Variants in CSMD1 observed in about 807,000 individuals in gnomAD.
CSMD1 encodes CUB and sushi domain-containing protein 1.
A neutral mutation model predicts 417.5 loss-of-function variants in CSMD1; 213 were observed. That is an observed-to-expected ratio of 0.51 (90% CI 0.46 to 0.57). The LOEUF is 0.57. CSMD1 is among the 20% of genes least tolerant of loss of function. The pLI is 0.00. For missense variants in CSMD1, 6,923 were observed against 4,529.7 expected, an observed-to-expected ratio of 1.53 and a Z score of -15.17; for synonymous variants, 2,862 against 1,736.8, an observed-to-expected ratio of 1.65 and a Z score of -16.11.
At chr8:4,846,008 C>G (rs1585203225) in intron 1 of CSMD1, among the ~76,000 whole-genome samples, 1 of 152,252 alleles carries the variant, frequency 6.6e-6, no homozygotes, top group African/African-American at 2.4e-5. Context: ...ACTGGCCATC[C>G]ACTTTCTCAC....
At chr8:3,526,823 T>C (rs1797772908) in intron 10 of CSMD1, among the ~76,000 whole-genome samples, 1 of 152,222 alleles carries the variant, frequency 6.6e-6, no homozygotes, top group African/African-American at 2.4e-5. Flanking sequence ...TGTAACAACC[T>C]GTATTCTCCT....
intron 3 of CSMD1, among the ~76,000 whole-genome samples, chr8:4,131,508 C>G (rs986600461): frequency 3.9e-5 from 6 of 152,142 alleles, no homozygotes; most frequent in African/African-American, 9.7e-5. Context: ...TGGATATTCA[C>G]TAAACATTAT....
intron 10 of CSMD1, among the ~76,000 whole-genome samples, chr8:3,540,570 G>C (rs1798395286): frequency 6.6e-6 from 1 of 152,126 alleles, no homozygotes; most frequent in Admixed American, 6.5e-5. Flanking sequence ...CACGACAAAA[G>C]AAACTATCAT....
intron 32 of CSMD1, among the ~76,000 whole-genome samples, chr8:3,201,276 C>G (rs1033030638): frequency 1.3e-5 from 2 of 152,112 alleles, no homozygotes; most frequent in African/African-American, 4.8e-5. Context: ...TCGTTTTTAT[C>G]TCCAGAAGGA....
chr8:4,398,463 G>A (rs192921863), intron 3 of CSMD1, among the ~76,000 whole-genome samples: 219 of 134,898 alleles, frequency 1.6e-3, no homozygotes, highest in African/African-American at 5.7e-3. Context: ...GTGCGATCTC[G>A]GCTCACTGCA....
At chr8:4,736,739 G>A (rs549246419) in intron 1 of CSMD1, among the ~76,000 whole-genome samples, 1 of 152,178 alleles carries the variant, frequency 6.6e-6, no homozygotes, top group African/African-American at 2.4e-5. Flanking sequence ...ATGGTATACT[G>A]CAAACTTTGG....
At chr8:3,565,986 T>A (rs1380601255) in intron 10 of CSMD1, among the ~76,000 whole-genome samples, 1 of 152,184 alleles carries the variant, frequency 6.6e-6, no homozygotes, top group South Asian at 2.1e-4. Context: ...CTTTCATCAA[T>A]ATAATACATT....
intron 3 of CSMD1, among the ~76,000 whole-genome samples, chr8:4,037,607 G>T (rs1797686532): frequency 1.3e-5 from 1 of 76,090 alleles, no homozygotes; most frequent in African/African-American, 6.8e-5. Context: ...AAGGAGAATG[G>T]ACTTTAGGTC....
intron 5 of CSMD1, among the ~76,000 whole-genome samples, chr8:3,863,439 G>T (rs1038309369): frequency 1.3e-5 from 2 of 149,912 alleles, no homozygotes; most frequent in Non-Finnish European, 3.0e-5. Context: ...CATGTGGGTA[G>T]AATCTTCGTG....
At chr8:3,298,927 C>G (rs1804174017) in intron 25 of CSMD1, among the ~76,000 whole-genome samples, 2 of 152,100 alleles carry the variant, frequency 1.3e-5, no homozygotes, top group Admixed American at 1.3e-4. Flanking sequence ...TGTGAACAAG[C>G]CACATGGCAG....
intron 23 of CSMD1, among the ~76,000 whole-genome samples, chr8:3,321,928 A>C (rs1465739786): frequency 6.6e-6 from 1 of 152,238 alleles, no homozygotes; most frequent in Non-Finnish European, 1.5e-5. Context: ...GAATGGATTC[A>C]GTATTATTTA....
intron 10 of CSMD1, among the ~76,000 whole-genome samples, chr8:3,510,705 C>T (rs1797028430): frequency 6.6e-6 from 1 of 151,452 alleles, no homozygotes; most frequent in Non-Finnish European, 1.5e-5. Context: ...GCCATTCTAA[C>T]TGGTGTGAGA....
intron 5 of CSMD1, among the ~76,000 whole-genome samples, chr8:3,906,995 G>A (rs57382017): frequency 0.028 from 4,317 of 152,256 alleles, 143 homozygotes; most frequent in African/African-American, 0.08. Context: ...CATGTTGTAA[G>A]AAGGTCTTCA....
chr8:3,866,546 A>C (rs1344371756), intron 5 of CSMD1, among the ~76,000 whole-genome samples: 4 of 152,144 alleles, frequency 2.6e-5, no homozygotes, highest in Non-Finnish European at 5.9e-5. Flanking sequence ...TTGGTCTTTA[A>C]ATGACCTTTT....
intron 2 of CSMD1, among the ~76,000 whole-genome samples, chr8:4,455,018 G>T (rs542240008): frequency 6.7e-6 from 1 of 149,704 alleles, no homozygotes; most frequent in Non-Finnish European, 1.5e-5. Flanking sequence ...CTATCCCAGT[G>T]TGTCAGTCCG....
intron 2 of CSMD1, among the ~76,000 whole-genome samples, chr8:4,452,753 C>A (rs1422611606): frequency 6.6e-6 from 1 of 152,126 alleles, no homozygotes; most frequent in East Asian, 1.9e-4. Flanking sequence ...CATCTTTCAA[C>A]ATATCATCCA....
At chr8:2,975,460 T>C (rs17078945) in intron 55 of CSMD1, among the ~76,000 whole-genome samples, 7,298 of 152,228 alleles carry the variant, frequency 0.048, 606 homozygotes, top group African/African-American at 0.17. Flanking sequence ...AGTAATTCCA[T>C]TTGGTAACGA....
At chr8:3,622,429 C>T (rs1796298680) in intron 7 of CSMD1, among the ~76,000 whole-genome samples, 2 of 152,136 alleles carry the variant, frequency 1.3e-5, no homozygotes, top group Non-Finnish European at 2.9e-5. Context: ...TTACAAAGGC[C>T]CACTTGCATG....
At chr8:4,043,967 T>C (rs1563356788) in intron 3 of CSMD1, among the ~76,000 whole-genome samples, 1 of 152,166 alleles carries the variant, frequency 6.6e-6, no homozygotes, top group South Asian at 2.1e-4. Flanking sequence ...TTGATATAAT[T>C]GAAATGCTTT....
Sources: gnomAD v4.1 joint callset for allele counts (sites outside exome capture counted in the v4.1 genomes callset) on GRCh38, gnomAD v4.1.1 for gene constraint, MANE v1.5 for transcripts, NCBI Gene and HGNC (gene_info 2026-07-23, HGNC 2026-07-21) for gene names.